Variants in GRHL2 observed in about 807,000 individuals in gnomAD.
GRHL2 encodes grainyhead like transcription factor 2, also known as grainyhead-like protein 2 homolog.
Under a neutral mutation model 83.8 loss-of-function variants are expected in GRHL2, and 21 were observed. That is an observed-to-expected ratio of 0.25 (90% CI 0.18 to 0.36). GRHL2 has a LOEUF of 0.36. Ranked by LOEUF, GRHL2 falls within the 10% of genes least tolerant of loss-of-function variation. The pLI is 1.00. For missense variants in GRHL2, 623 were observed against 781.8 expected, an observed-to-expected ratio of 0.80 and a Z score of 2.42; for synonymous variants, 280 against 278.9, an observed-to-expected ratio of 1.00 and a Z score of -0.04.
intron 1 of GRHL2, among the ~76,000 whole-genome samples, chr8:101,540,040 G>A (rs962085155): frequency 8.5e-5 from 13 of 152,140 alleles, no homozygotes; most frequent in African/African-American, 3.1e-4. Flanking sequence ...AAAGAATATT[G>A]TTGAATGAAC....
chr8:101,516,009 A>G (rs2130026582), intron 1 of GRHL2, among the ~76,000 whole-genome samples: 1 of 152,318 alleles, frequency 6.6e-6, no homozygotes, highest in South Asian at 2.1e-4. Context: ...CAGGGCTGAC[A>G]GGCAGCAGAG....
intron 14 of GRHL2, among the ~76,000 whole-genome samples, chr8:101,658,753 A>G (rs1813851934): frequency 6.6e-6 from 1 of 152,190 alleles, no homozygotes; most frequent in Non-Finnish European, 1.5e-5. Context: ...TGAGTGGAAA[A>G]AAGTCCCTAT....
At chr8:101,584,325 G>A (rs559733632) in intron 7 of GRHL2, among the ~76,000 whole-genome samples, 66 of 152,262 alleles carry the variant, frequency 4.3e-4, no homozygotes, top group African/African-American at 1.5e-3. Flanking sequence ...ATTGTGCTCT[G>A]CTGAAAGTAG....
intron 2 of GRHL2, among the ~76,000 whole-genome samples, chr8:101,549,353 C>T (rs982765628): frequency 3.9e-5 from 6 of 152,144 alleles, no homozygotes; most frequent in Admixed American, 2.6e-4. Context: ...AATAGCAACA[C>T]GACAAGATCA....
At chr8:101,523,603 G>A (rs1355725459) in intron 1 of GRHL2, among the ~76,000 whole-genome samples, 1 of 151,734 alleles carries the variant, frequency 6.6e-6, no homozygotes, top group African/African-American at 2.4e-5. Context: ...AGCCTCCCAA[G>A]TAGCTGGGAC....
At chr8:101,662,257 C>G (rs563864277) in intron 14 of GRHL2, among the ~76,000 whole-genome samples, 2 of 152,232 alleles carry the variant, frequency 1.3e-5, no homozygotes, top group African/African-American at 4.8e-5. Context: ...ATCCTTGGCT[C>G]GTTTGGCTCA....
chr8:101,604,091 T>C (rs1347262450), intron 8 of GRHL2, among the ~76,000 whole-genome samples: 1 of 151,502 alleles, frequency 6.6e-6, no homozygotes, highest in Non-Finnish European at 1.5e-5. Flanking sequence ...TGTGTATGTG[T>C]GTGTGTAGAT....
chr8:101,589,395 C>T lies in GRHL2; in HGVS notation c.1004-9662C>T, dbSNP rs185119080. Among the ~76,000 whole-genome samples the T allele has an allele frequency of 5.9e-5, 9 of 152,246 alleles. No homozygotes were observed. In the East Asian group the frequency reaches 1.2e-3, roughly 20 times the overall value. ...ATGTGCTGTGGTGCAAGCACGGGCA[C>T]GCGTGCATGTGTGTTTATGTGTGTC... is the stretch of plus-strand genomic sequence containing the variant. On this transcript the variant is annotated intron_variant, in intron 7 of 15. Coordinates refer to ENST00000646743, the MANE Select transcript of GRHL2 (RefSeq NM_024915.4).
rs951915734 is a variant in GRHL2 at position 101,565,386 on chromosome 8, T to A, written c.679-4953T>A. Among the ~76,000 whole-genome samples, 12 of 152,324 alleles carry A rather than the reference T, an allele frequency of 7.9e-5. No individual in the cohort carries two copies. In the East Asian group the frequency reaches 2.3e-3, roughly 29 times the overall value. The stretch of plus-strand genomic sequence containing the variant: ...GTACTACAGTTTTCTATAAGTCAGT[T>A]AACAATAGTTTCTGGTTTAGGAACA... On this transcript the variant is annotated intron_variant, in intron 4 of 15. Coordinates refer to ENST00000646743, the MANE Select transcript of GRHL2 (RefSeq NM_024915.4).
intron 1 of GRHL2, among the ~76,000 whole-genome samples, chr8:101,506,118 A>G (rs1810336330): frequency 1.3e-5 from 2 of 152,232 alleles, no homozygotes; most frequent in Admixed American, 6.5e-5. Context: ...GAATTATTTT[A>G]TAAATTGCTG....
intron 9 of GRHL2, among the ~76,000 whole-genome samples, chr8:101,625,572 G>A (rs1813064828): frequency 6.6e-6 from 1 of 152,074 alleles, no homozygotes; most frequent in Admixed American, 6.6e-5. Context: ...TTTTTCCAAA[G>A]CAGTTGTTTC....
Position 101,630,494 on chromosome 8 carries a change from G to A in GRHL2, c.1258-1143G>A, listed in dbSNP as rs114663229. On this transcript the variant is annotated intron_variant, in intron 9 of 15. Transcript: ENST00000646743. ...TTCGCCAACTTGTCCTTTGTCTTTTGATTGATTTGTTTGCATACAGAAGGA... is the reference window on the plus strand; with the variant it reads ...TTCGCCAACTTGTCCTTTGTCTTTTAATTGATTTGTTTGCATACAGAAGGA... Among the ~76,000 whole-genome samples, 639 of 152,142 alleles carry A rather than the reference G, an allele frequency of 4.2e-3. 5 individuals are homozygous for A. Among genetic ancestry groups the A allele is most frequent in the African/African-American group, 0.014 (595 of 41,516 alleles).
rs1298569578 is a variant in GRHL2 at position 101,638,619 on chromosome 8, A to G, written c.1517+1691A>G. 2.0e-5 allele frequency among the ~76,000 whole-genome samples: 3 copies of G among 152,240 alleles called. No individual in the cohort carries two copies. In the East Asian group the frequency reaches 5.8e-4, roughly 29 times the overall value. ...GCCACCTTCTATCCTAAAAGATAGA[A>G]AATCTCAAAGGAGTCAAATGATTCC... is the stretch of plus-strand genomic sequence containing the variant. On this transcript the variant is annotated intron_variant, in intron 12 of 15. Transcript: ENST00000646743.
At chr8:101,508,940 T>G (rs897843828) in intron 1 of GRHL2, among the ~76,000 whole-genome samples, 1 of 152,100 alleles carries the variant, frequency 6.6e-6, no homozygotes, top group African/African-American at 2.4e-5. Context: ...GATAATTAGT[T>G]GTGGGAAATG....
chr8:101,576,782 T>C (rs1352011565), intron 6 of GRHL2, among the ~76,000 whole-genome samples: 1 of 152,200 alleles, frequency 6.6e-6, no homozygotes, highest in Non-Finnish European at 1.5e-5. Context: ...AAGATATAAT[T>C]AGTTTCTCAA....
intron 3 of GRHL2, among the ~76,000 whole-genome samples, chr8:101,557,864 G>T (rs1811519531): frequency 6.6e-6 from 1 of 151,874 alleles, no homozygotes; most frequent in Admixed American, 6.6e-5. Context: ...TAGATTTAGG[G>T]TTAGGTTTTG....
the GRHL2 span, among the ~76,000 whole-genome samples, chr8:101,675,766 G>C: frequency 6.1e-4 from 92 of 151,812 alleles, no homozygotes; most frequent in Middle Eastern, 3.4e-3. Flanking sequence ...ATCCTAAGCC[G>C]AAAGAACAAA....
At chr8:101,636,403 G>A (rs916466692) in intron 11 of GRHL2, among the ~76,000 whole-genome samples, 2 of 152,176 alleles carry the variant, frequency 1.3e-5, no homozygotes, top group African/African-American at 4.8e-5. Context: ...AAGTAGACAG[G>A]CCTAGTTACT....
intron 2 of GRHL2, among the ~76,000 whole-genome samples, chr8:101,550,377 T>G (rs571801295): frequency 9.9e-5 from 15 of 152,256 alleles, no homozygotes; most frequent in African/African-American, 3.1e-4. Context: ...GTCCCGTGTC[T>G]GTTGTTCCCA....
Sources: allele counts gnomAD v4.1 joint callset (sites outside exome capture counted in the v4.1 genomes callset), GRCh38; gene constraint gnomAD v4.1.1; transcripts MANE v1.5; gene names NCBI Gene and HGNC (gene_info 2026-07-23, HGNC 2026-07-21).